Variants in BTAF1 observed in about 807,000 individuals in gnomAD.
BTAF1 encodes the protein TATA-binding protein-associated factor 172.
A neutral mutation model predicts 227.1 loss-of-function variants in BTAF1; 38 were observed. That is an observed-to-expected ratio of 0.17 (90% CI 0.13 to 0.22). The LOEUF is 0.22. Ranked by LOEUF, BTAF1 falls within the 10% of genes least tolerant of loss-of-function variation. The probability of loss-of-function intolerance (pLI) is 1.00; values close to 1 mark genes in which losing one functional copy is unlikely to be tolerated. For synonymous variants in BTAF1, 742 were observed against 751.9 expected (o/e 0.99, Z 0.21); for missense variants, 1,598 against 2,204.0 (o/e 0.73, Z 5.51).
At chr10:91,924,436 C>G (rs1284450444) in intron 1 of BTAF1, among the ~76,000 whole-genome samples, 2 of 152,144 alleles carry the variant, frequency 1.3e-5, no homozygotes, top group Non-Finnish European at 2.9e-5. Flanking sequence ...TCCCTAACCT[C>G]CATTTCATGG....
intron 3 of BTAF1, among the ~76,000 whole-genome samples, chr10:91,941,430 C>T (rs1022702338): frequency 6.6e-6 from 1 of 152,154 alleles, no homozygotes; most frequent in Admixed American, 6.5e-5. Context: ...GCCAGCTAAA[C>T]AAACTATTAA....
intron 35 of BTAF1, among the ~76,000 whole-genome samples, chr10:92,025,532 C>T (rs1472482195): frequency 6.6e-6 from 1 of 151,914 alleles, no homozygotes; most frequent in South Asian, 2.1e-4. Flanking sequence ...CCCAGCTGAG[C>T]GCGGTGACTC....
chr10:91,924,788 A>G (rs1843717766), intron 1 of BTAF1, among the ~76,000 whole-genome samples: 1 of 152,198 alleles, frequency 6.6e-6, no homozygotes, highest in Non-Finnish European at 1.5e-5. Context: ...CTATAGGAGA[A>G]ACATTACTTT....
At chr10:91,991,271 A>ATATATATATAAATATATAT (rs1564699914) in intron 20 of BTAF1, among the ~76,000 whole-genome samples, 1 of 66,230 alleles carries the variant, frequency 1.5e-5, no homozygotes, top group Admixed American at 2.2e-4. Context: ...TATAAATATA[A>ATATATATATAAATATATAT]ATATATATAT....
intron 14 of BTAF1, among the ~76,000 whole-genome samples, chr10:91,968,684 T>C (rs879699925): frequency 1.3e-5 from 2 of 152,222 alleles, no homozygotes; most frequent in Non-Finnish European, 2.9e-5. Flanking sequence ...CCTATTGCTT[T>C]ACATTCTGGC....
chr10:91,971,660 CAG>C (rs1847317470), intron 14 of BTAF1, among the ~76,000 whole-genome samples: 1 of 151,784 alleles, frequency 6.6e-6, no homozygotes, highest in African/African-American at 2.4e-5. Flanking sequence ...TTAGTAGAGA[CAG>C]GGTTTCGCCA....
chr10:91,950,227 A>G (rs1845677337), intron 4 of BTAF1, among the ~76,000 whole-genome samples: 1 of 151,254 alleles, frequency 6.6e-6, no homozygotes. Flanking sequence ...CTCTATCTTC[A>G]GGCTAAAAGC....
Position 91,984,261 on chromosome 10 carries a change from T to C in BTAF1, c.2284T>C (p.Leu762=), listed in dbSNP as rs1228892437. The change falls in exon 19 of 38, where the codon TTA becomes CTA. Residue 762 remains leucine (L), a synonymous_variant. Coordinates refer to ENST00000265990, the MANE Select transcript of BTAF1 (RefSeq NM_003972.3). Reference sequence around the variant, plus strand: ...TTTACTTGATATCCTTTCAGAACATTTATATTATGACGAAATTGCCGTTCC... The same window carrying C: ...TTTACTTGATATCCTTTCAGAACATCTATATTATGACGAAATTGCCGTTCC... The part of the protein sequence containing the change: ...PRLLDILSEH[L]YYDEIAVPFT... 4 of 1,613,980 alleles carry C rather than the reference T, an allele frequency of 2.5e-6. No homozygotes were observed. Among genetic ancestry groups the C allele is most frequent in the Non-Finnish European group, 3.4e-6 (4 of 1,179,942 alleles).
chr10:91,980,597 CTT>C, intron 15 of BTAF1, 39 bp downstream of exon 15: 1 of 1,522,714 alleles, frequency 6.6e-7, no homozygotes, highest in South Asian at 1.1e-5. Context: ...TTCCTAGTAA[CTT>C]TTGTAGATTT....
At chr10:91,952,950 G>T (rs1373471877) in intron 5 of BTAF1, among the ~76,000 whole-genome samples, 1 of 152,152 alleles carries the variant, frequency 6.6e-6, no homozygotes, top group Non-Finnish European at 1.5e-5. Context: ...GATTAATTGG[G>T]TGCGGGATAG....
chr10:92,017,623 C>T (rs1383281399), intron 33 of BTAF1, among the ~76,000 whole-genome samples: 1 of 151,820 alleles, frequency 6.6e-6, no homozygotes, highest in African/African-American at 2.4e-5. Flanking sequence ...CGATCCTCAG[C>T]CTCAGCTTCC....
Position 91,957,309 on chromosome 10 carries a change from T to G in BTAF1, c.900+16T>G. The G allele has an allele frequency of 6.3e-7, 1 of 1,597,720 alleles. No homozygotes were observed. The highest frequency in any genetic ancestry group is 8.6e-7 in the Non-Finnish European group (1 of 1,167,150). On this transcript the variant is annotated intron_variant, in intron 8 of 37. Transcript: ENST00000265990. ...CTCCTGGGAGGTAAGATTTCTTCAT[T>G]ACAGTTTTTCTCAGCTCTATTTTCT...
chr10:92,027,946 A>C (rs1190417377), intron 37 of BTAF1, among the ~76,000 whole-genome samples: 4 of 152,224 alleles, frequency 2.6e-5, no homozygotes, highest in Non-Finnish European at 4.4e-5. Flanking sequence ...TAATAACAGA[A>C]GTGTACTTTC....
intron 13 of BTAF1, 85 bp downstream of exon 13, chr10:91,964,286 G>A (rs915028626): frequency 3.5e-6 from 5 of 1,430,228 alleles, no homozygotes; most frequent in East Asian, 2.3e-5. Flanking sequence ...CAATATTTTA[G>A]CACCTTTAAG....
At chr10:91,990,068 T>G (rs970538140) in intron 20 of BTAF1, among the ~76,000 whole-genome samples, 16 of 152,238 alleles carry the variant, frequency 1.1e-4, no homozygotes, top group African/African-American at 3.9e-4. Flanking sequence ...CTTAACCAAC[T>G]TTTTTGTTTT....
At position 91,994,625 on chromosome 10, in the gene BTAF1, A is replaced by T; in HGVS notation, c.3290A>T (p.Asp1097Val). Residue 1097 changes from aspartate (D) to valine (V), a missense_variant, in exon 23 of 38, where the codon GAT becomes GTT. Asp to Val is a radical substitution (Grantham distance 152). Transcript: ENST00000265990. ...TTTGAAACAGCAGCAGCTTCAATGG[A>T]TTCTGAGCTTCATCCCTTGGTAACT... ...QVFETAAASMDSELHPLLVQH... is the reference protein window; with the variant it reads ...QVFETAAASMVSELHPLLVQH... 6.2e-7 allele frequency: 1 copy of T among 1,613,366 alleles called. No individual in the cohort carries two copies. The highest frequency in any genetic ancestry group is 8.5e-7 in the Non-Finnish European group (1 of 1,179,320).
chr10:92,027,335 T>G (rs375538306), intron 37 of BTAF1, 35 bp downstream of exon 37: 17 of 1,555,048 alleles, frequency 1.1e-5, no homozygotes, highest in Middle Eastern at 3.6e-4. Context: ...TATCTTTGAG[T>G]CACAGGCTTC....
At chr10:92,016,909 A>G (rs867035353) in intron 33 of BTAF1, among the ~76,000 whole-genome samples, 2 of 152,250 alleles carry the variant, frequency 1.3e-5, no homozygotes, top group South Asian at 2.1e-4. Flanking sequence ...TACCTATTTA[A>G]TATATCTTAA....
In BTAF1 at chr10:91,923,838, G is replaced by A. The variant is rs1031438188; in HGVS notation, c.-239G>A. 1 of 449,978 alleles carries A rather than the reference G, an allele frequency of 2.2e-6. No homozygotes were observed. 27.9% of individuals were successfully genotyped at this position (449,978 alleles called of 1,614,324 possible). ...GGGTACCCGGTTTGAAGTCGTGCGG[G>A]TCGGAGGACTGCCGCCTCCGCTACC... On this transcript the variant is annotated 5_prime_UTR_variant, in exon 1 of 38. Transcript: ENST00000265990.
Sources: allele counts gnomAD v4.1 joint callset (sites outside exome capture counted in the v4.1 genomes callset), GRCh38; gene constraint gnomAD v4.1.1; transcripts MANE v1.5; gene names NCBI Gene and HGNC (gene_info 2026-07-23, HGNC 2026-07-21).